KDM4B: variants seen among roughly 807,000 people sequenced by gnomAD.
KDM4B encodes lysine demethylase 4B.
In KDM4B, 32 loss-of-function variants were observed where a neutral mutation model predicts 125.2. The observed-to-expected ratio is 0.26, with a 90% confidence interval of 0.19 to 0.34. The LOEUF is 0.34. KDM4B is among the 10% of genes least tolerant of loss of function. The pLI, the probability that KDM4B is intolerant of heterozygous loss-of-function variation, is 1.00. For missense variants in KDM4B, 1,190 were observed against 1,577.7 expected (o/e 0.75, Z 4.16); for synonymous variants, 721 against 677.9 (o/e 1.06, Z -0.99).
Position 5,137,036 on chromosome 19 carries a change from C to A in KDM4B, c.2309-226C>A, listed in dbSNP as rs879458845. Among the ~76,000 whole-genome samples the A allele has an allele frequency of 7.9e-5, 12 of 152,350 alleles. No homozygotes were observed. In the Middle Eastern group the frequency reaches 0.01, roughly 130 times the overall value. ...TCCCCTCCTGCGTCCTCTTTCCACACAAGTAGCTTCCAGACCTTTCTCTCG... is the reference window on the plus strand; with the variant it reads ...TCCCCTCCTGCGTCCTCTTTCCACAAAAGTAGCTTCCAGACCTTTCTCTCG... On this transcript the variant is annotated intron_variant, in intron 15 of 22. Transcript: ENST00000159111.
intron 10 of KDM4B, chr19:5,111,354 G>A (rs750757006): frequency 6.6e-6 from 5 of 759,224 alleles, no homozygotes; most frequent in Non-Finnish European, 1.2e-5. Flanking sequence ...GCGTGACCCT[G>A]GATGCCCTCC....
intron 6 of KDM4B, among the ~76,000 whole-genome samples, chr19:5,063,548 G>T (rs548730498): frequency 6.6e-6 from 1 of 152,306 alleles, no homozygotes; most frequent in South Asian, 2.1e-4. Flanking sequence ...GTCTCTTCAG[G>T]GTTTCTGGTG....
chr19:5,121,064 C>G (rs1466756823), intron 11 of KDM4B, among the ~76,000 whole-genome samples: 1 of 152,198 alleles, frequency 6.6e-6, no homozygotes, highest in Non-Finnish European at 1.5e-5. Flanking sequence ...AGGTCCCTCC[C>G]ACCTGCCAGG....
intron 10 of KDM4B, among the ~76,000 whole-genome samples, chr19:5,116,445 C>G (rs906159715): frequency 6.6e-6 from 1 of 152,148 alleles, no homozygotes; most frequent in African/African-American, 2.4e-5. Context: ...CACAGAGTCT[C>G]GTATTCCACC....
chr19:4,987,011 T>C (rs1416893095), intron 1 of KDM4B, among the ~76,000 whole-genome samples: 1 of 151,916 alleles, frequency 6.6e-6, no homozygotes, highest in Non-Finnish European at 1.5e-5. Flanking sequence ...GGCTGGAGCG[T>C]AGTGGCACAA....
chr19:5,096,055 G>A (rs1034367557), intron 9 of KDM4B, among the ~76,000 whole-genome samples: 13 of 151,954 alleles, frequency 8.6e-5, no homozygotes, highest in African/African-American at 2.9e-4. Context: ...AGACTGAGGC[G>A]CACACAGGGC....
At chr19:4,982,625 T>C (rs948648418) in intron 1 of KDM4B, among the ~76,000 whole-genome samples, 1 of 151,820 alleles carries the variant, frequency 6.6e-6, no homozygotes, top group African/African-American at 2.4e-5. Context: ...CTCTCTTTCT[T>C]TTTTTGTGGC....
Position 5,063,803 on chromosome 19 carries a change from AC to A in KDM4B, c.627-7206del, listed in dbSNP as rs369149463. On this transcript the variant is annotated intron_variant, in intron 6 of 22. Coordinates refer to ENST00000159111, the MANE Select transcript of KDM4B (RefSeq NM_015015.3). ...GGCCATTTCCGTGGACGGAGTTAAC[AC>A]GGCGCAGCACGGTGGCCACCACACA... Among the ~76,000 whole-genome samples, 25 of 152,370 alleles carry A rather than the reference AC, an allele frequency of 1.6e-4. No homozygotes were observed. The South Asian group carries it at 5.2e-3, about 32-fold the overall frequency.
chr19:4,995,498 C>T (rs563947561), intron 1 of KDM4B, among the ~76,000 whole-genome samples: 4 of 152,192 alleles, frequency 2.6e-5, no homozygotes, highest in Admixed American at 1.3e-4. Flanking sequence ...AGGCTGGTCT[C>T]GAACTCCTGA....
At chr19:5,128,864 G>A (rs1434117139) in intron 11 of KDM4B, among the ~76,000 whole-genome samples, 3 of 150,384 alleles carry the variant, frequency 2.0e-5, no homozygotes, top group South Asian at 2.1e-4. Flanking sequence ...GGGGGGCGGG[G>A]GGGGGGGTCA....
intron 14 of KDM4B, among the ~76,000 whole-genome samples, chr19:5,134,552 C>T (rs1340164788): frequency 6.6e-6 from 1 of 152,200 alleles, no homozygotes; most frequent in Non-Finnish European, 1.5e-5. Flanking sequence ...TGCCCACGGC[C>T]ATCCCAGGCA....
At chr19:4,975,045 A>G (rs909576920) in intron 1 of KDM4B, among the ~76,000 whole-genome samples, 1 of 151,972 alleles carries the variant, frequency 6.6e-6, no homozygotes, top group Non-Finnish European at 1.5e-5. Context: ...CCGGCTCCTT[A>G]TCACTCTAGT....
chr19:5,132,449 T>G lies in KDM4B; in HGVS notation c.1906+442T>G, dbSNP rs2039575248. Among the ~76,000 whole-genome samples the G allele has an allele frequency of 2.0e-5, 3 of 152,160 alleles. No individual in the cohort carries two copies. In the South Asian group the frequency reaches 6.2e-4, roughly 32 times the overall value. ...GTGCAGAAGTCCTGCTAAGCCAGTT[T>G]TTCAACTTCTGCTTCGGCCTTTCAT... On this transcript the variant is annotated intron_variant, in intron 13 of 22. Transcript: ENST00000159111.
chr19:5,144,091 C>T lies in KDM4B; in HGVS notation c.2675C>T (p.Pro892Leu), dbSNP rs948752813. 6.2e-7 allele frequency: 1 copy of T among 1,605,252 alleles called. No individual in the cohort carries two copies. Among genetic ancestry groups the T allele is most frequent in the Non-Finnish European group, 8.5e-7 (1 of 1,173,658 alleles). Residue 892 changes from proline (P) to leucine (L), a missense_variant, in exon 19 of 23, where the codon CCG (proline) becomes CTG (leucine). By Grantham distance (98) the Pro-to-Leu change is moderately conservative. Coordinates refer to ENST00000159111, the MANE Select transcript of KDM4B (RefSeq NM_015015.3). ...CAHAAGVLME[P>L]DDWPYVVSIT... Reference sequence around the variant, plus strand: ...CACGCCGCAGGCGTGCTCATGGAGCCGGACGACTGGCCCTATGTGGTCTCC... The same window carrying T: ...CACGCCGCAGGCGTGCTCATGGAGCTGGACGACTGGCCCTATGTGGTCTCC...
At chr19:5,106,843 A>T (rs2039044569) in intron 9 of KDM4B, among the ~76,000 whole-genome samples, 1 of 152,180 alleles carries the variant, frequency 6.6e-6, no homozygotes, top group Admixed American at 6.5e-5. Context: ...CCCAGCCCAG[A>T]GCAGTGAGAC....
At chr19:5,038,120 G>A (rs529187989) in intron 3 of KDM4B, among the ~76,000 whole-genome samples, 7 of 152,326 alleles carry the variant, frequency 4.6e-5, no homozygotes, top group East Asian at 1.9e-4. Context: ...CAGATGAGCC[G>A]AAGCGGGTGG....
At chr19:4,978,537 A>AAAT (rs2034531543) in intron 1 of KDM4B, among the ~76,000 whole-genome samples, 1 of 134,328 alleles carries the variant, frequency 7.4e-6, no homozygotes. Context: ...AAAAAAAAAA[A>AAAT]GAACATAAGG....
chr19:4,992,018 C>A (rs1353377952), intron 1 of KDM4B, among the ~76,000 whole-genome samples: 3 of 152,100 alleles, frequency 2.0e-5, no homozygotes, highest in Non-Finnish European at 4.4e-5. Flanking sequence ...TCCCATCTTT[C>A]ATTCCCGATT....
intron 9 of KDM4B, among the ~76,000 whole-genome samples, chr19:5,089,771 G>A (rs1354660410): frequency 1.3e-5 from 2 of 151,568 alleles, no homozygotes; most frequent in Admixed American, 1.3e-4. Context: ...GGAAGAGTGG[G>A]GTCCGCCATT....
Sources: allele counts gnomAD v4.1 joint callset (sites outside exome capture counted in the v4.1 genomes callset), GRCh38; gene constraint gnomAD v4.1.1; transcripts MANE v1.5; gene names NCBI Gene and HGNC (gene_info 2026-07-23, HGNC 2026-07-21).